BABAM2: variants seen among roughly 807,000 people sequenced by gnomAD.
BABAM2 encodes BRISC and BRCA1-A complex member 2.
Under a neutral mutation model 54.7 loss-of-function variants are expected in BABAM2, and 31 were observed. The observed-to-expected ratio is 0.57, with a 90% confidence interval of 0.43 to 0.77. BABAM2 has a LOEUF of 0.77. Among genes scored for constraint, BABAM2 ranks in the 30% least tolerant of loss-of-function variants. The pLI, the probability that BABAM2 is intolerant of heterozygous loss-of-function variation, is 0.00. For synonymous variants in BABAM2, 167 were observed against 162.9 expected (o/e 1.03, Z -0.19); for missense variants, 364 against 455.8 (o/e 0.80, Z 1.83).
intron 11 of BABAM2, among the ~76,000 whole-genome samples, chr2:28,314,422 T>C (rs1030340844): frequency 2.0e-5 from 3 of 152,226 alleles, no homozygotes; most frequent in African/African-American, 7.2e-5. Context: ...GATTAAGGTC[T>C]GAGTTATCCC....
At chr2:28,216,338 A>G (rs1043635395) in intron 7 of BABAM2, among the ~76,000 whole-genome samples, 2 of 152,228 alleles carry the variant, frequency 1.3e-5, no homozygotes, top group Non-Finnish European at 2.9e-5. Context: ...AACTCCTAAC[A>G]AATAAGCCAA....
In BABAM2 at chr2:28,157,959, A is replaced by C. The variant is rs572581602; in HGVS notation, c.680+28579A>C. Among the ~76,000 whole-genome samples, 65 of 152,318 alleles carry C rather than the reference A, an allele frequency of 4.3e-4. 1 individual carries two copies. The highest frequency in any genetic ancestry group is 1.5e-3 in the African/African-American group (62 of 41,570). ...GTGGGGTCAGGCAGGCCTGGGTTCT[A>C]ATCTCTGATATCCCACCTACTAATG... On this transcript the variant is annotated intron_variant, in intron 7 of 11. Coordinates refer to ENST00000379624, the MANE Select transcript of BABAM2 (RefSeq NM_199191.3).
At chr2:28,190,075 C>T (rs1676735804) in intron 7 of BABAM2, among the ~76,000 whole-genome samples, 1 of 152,254 alleles carries the variant, frequency 6.6e-6, no homozygotes, top group African/African-American at 2.4e-5. Context: ...GATGCTGGAA[C>T]AACTGGATAG....
At chr2:27,968,665 G>A (rs940027698) in intron 3 of BABAM2, among the ~76,000 whole-genome samples, 1 of 152,218 alleles carries the variant, frequency 6.6e-6, no homozygotes, top group African/African-American at 2.4e-5. Flanking sequence ...CGTGAAGGCA[G>A]CTGGGAGGAC....
intron 7 of BABAM2, among the ~76,000 whole-genome samples, chr2:28,160,986 C>G (rs62139074): frequency 0.22 from 33,511 of 151,996 alleles, 3,915 homozygotes; most frequent in South Asian, 0.43. Flanking sequence ...AGAGTTAAAC[C>G]ATGAGGCGAG....
At chr2:28,292,733 A>G (rs1687389935) in intron 10 of BABAM2, among the ~76,000 whole-genome samples, 1 of 152,238 alleles carries the variant, frequency 6.6e-6, no homozygotes, top group Non-Finnish European at 1.5e-5. Context: ...AGAGAGGAAA[A>G]TATTTCTCAA....
At chr2:28,152,026 T>C (rs1405533642) in intron 7 of BABAM2, among the ~76,000 whole-genome samples, 1 of 152,204 alleles carries the variant, frequency 6.6e-6, no homozygotes, top group Non-Finnish European at 1.5e-5. Context: ...CTGTTTTTAT[T>C]TCAAAGGATG....
At chr2:27,970,414 A>G (rs551536428) in intron 3 of BABAM2, among the ~76,000 whole-genome samples, 1 of 152,322 alleles carries the variant, frequency 6.6e-6, no homozygotes, top group African/African-American at 2.4e-5. Flanking sequence ...ATCAGTTGTT[A>G]ACATTTTGCC....
Position 28,161,805 on chromosome 2 carries a change from T to TCACTCATC in BABAM2, c.680+32426_680+32433dup, listed in dbSNP as rs112781698. Among the ~76,000 whole-genome samples the TCACTCATC allele has an allele frequency of 3.3e-3, 502 of 152,222 alleles. 6 individuals carry two copies. The highest frequency in any genetic ancestry group is 0.011 in the African/African-American group (469 of 41,582). ...GCTGGCCCAGCTGCAGCTAATTTAA[T>TCACTCATC]CACTCATCTGTTGAGTGAGGTACTA... On this transcript the variant is annotated intron_variant, in intron 7 of 11. Coordinates refer to ENST00000379624, the MANE Select transcript of BABAM2 (RefSeq NM_199191.3).
At chr2:27,930,178 C>A (rs1197772316) in intron 3 of BABAM2, 4 of 333,750 alleles carry the variant, frequency 1.2e-5, no homozygotes, top group South Asian at 1.1e-4. Flanking sequence ...TCTCTATAGG[C>A]GGCTTTTACG....
At chr2:28,040,378 G>T (rs1423490305) in intron 5 of BABAM2, among the ~76,000 whole-genome samples, 1 of 134,094 alleles carries the variant, frequency 7.5e-6, no homozygotes, top group African/African-American at 2.8e-5. Flanking sequence ...TCGGCTCACT[G>T]CAAGCTCCGC....
intron 3 of BABAM2, among the ~76,000 whole-genome samples, chr2:27,964,270 C>T (rs56410752): frequency 0.19 from 29,482 of 152,060 alleles, 3,491 homozygotes; most frequent in Non-Finnish European, 0.27. Flanking sequence ...CACACTTGAC[C>T]GCTCAAACTT....
At chr2:28,022,165 A>AG (rs1675319948) in intron 4 of BABAM2, among the ~76,000 whole-genome samples, 1 of 152,196 alleles carries the variant, frequency 6.6e-6, no homozygotes, top group African/African-American at 2.4e-5. Flanking sequence ...TGGGAAGGTG[A>AG]GGGGTCACAT....
chr2:28,120,498 T>G lies in BABAM2; in HGVS notation c.571-8773T>G, dbSNP rs1303955653. Among the ~76,000 whole-genome samples, 3 of 152,308 alleles carry G rather than the reference T, an allele frequency of 2.0e-5. No homozygotes were observed. The East Asian group carries it at 5.8e-4, about 29-fold the overall frequency. On this transcript the variant is annotated intron_variant, in intron 6 of 11. Coordinates refer to ENST00000379624, the MANE Select transcript of BABAM2 (RefSeq NM_199191.3). ...GAGTCAGCATACATGGGTTCAAAACTCGTCTTCACCATTTAATCTCTCTGA... is the reference window on the plus strand; with the variant it reads ...GAGTCAGCATACATGGGTTCAAAACGCGTCTTCACCATTTAATCTCTCTGA...
intron 6 of BABAM2, among the ~76,000 whole-genome samples, chr2:28,111,091 C>G (rs1667969358): frequency 6.6e-6 from 1 of 151,136 alleles, no homozygotes; most frequent in Admixed American, 6.6e-5. Flanking sequence ...GCCTCAGCCT[C>G]CCAAGTATCT....
chr2:28,286,677 A>G (rs1383786457), intron 10 of BABAM2, among the ~76,000 whole-genome samples: 1 of 152,186 alleles, frequency 6.6e-6, no homozygotes, highest in Admixed American at 6.5e-5. Context: ...AAGCAGTCTC[A>G]TCTAATAAGC....
intron 7 of BABAM2, among the ~76,000 whole-genome samples, chr2:28,214,138 C>T (rs1446179556): frequency 2.6e-5 from 4 of 151,986 alleles, no homozygotes; most frequent in African/African-American, 9.7e-5. Context: ...AGTCAGTTTT[C>T]ATCATCTTTT....
At chr2:28,114,118 A>C (rs2148734452) in intron 6 of BABAM2, among the ~76,000 whole-genome samples, 1 of 152,332 alleles carries the variant, frequency 6.6e-6, no homozygotes, top group East Asian at 1.9e-4. Context: ...GCACAAGACA[A>C]GGATGTACTC....
Position 28,329,220 on chromosome 2 carries a change from G to C in BABAM2, c.1089-9230G>C, listed in dbSNP as rs1041749531. Reference sequence around the variant, plus strand: ...AGCTAGAGGGCAGAGGGGTGGCCGAGAGGAACAGGCCTTCATGTCCCCCGA... The same window carrying C: ...AGCTAGAGGGCAGAGGGGTGGCCGACAGGAACAGGCCTTCATGTCCCCCGA... On this transcript the variant is annotated intron_variant, in intron 11 of 11. Transcript: ENST00000379624. The surrounding 1 kb of genome is among the most constrained non-coding windows in gnomAD (Gnocchi z 4.2). Among the ~76,000 whole-genome samples the C allele has an allele frequency of 2.6e-5, 4 of 152,222 alleles. No individual in the cohort carries two copies. Among genetic ancestry groups the C allele is most frequent in the African/African-American group, 9.6e-5 (4 of 41,456 alleles).
Sources: allele counts gnomAD v4.1 joint callset (sites outside exome capture counted in the v4.1 genomes callset), GRCh38; gene constraint gnomAD v4.1.1; non-coding constraint Gnocchi (gnomAD v3.1); transcripts MANE v1.5; gene names NCBI Gene and HGNC (gene_info 2026-07-23, HGNC 2026-07-21).